Variants in EXOC4 observed in about 807,000 individuals in gnomAD.
The protein encoded by EXOC4 is SEC8-like 1.
EXOC4 carries 71 observed loss-of-function variants against 107.2 expected under a neutral mutation model. The ratio of observed to expected loss-of-function variants is 0.66; its 90% CI spans 0.55 to 0.81. The LOEUF is 0.81. Among genes scored for constraint, EXOC4 ranks in the 30% least tolerant of loss-of-function variants. The pLI is 0.00. For missense variants in EXOC4, 1,108 were observed against 1,189.6 expected (o/e 0.93, Z 1.01); for synonymous variants, 456 against 441.2 (o/e 1.03, Z -0.42).
At chr7:133,711,611 T>G (rs560702193) in intron 10 of EXOC4, among the ~76,000 whole-genome samples, 24 of 152,324 alleles carry the variant, frequency 1.6e-4, no homozygotes, top group African/African-American at 5.5e-4. Flanking sequence ...TCATAGTCCT[T>G]GAATACAGTA....
At chr7:133,371,227 T>C (rs1000344927) in intron 6 of EXOC4, among the ~76,000 whole-genome samples, 2 of 152,188 alleles carry the variant, frequency 1.3e-5, no homozygotes, top group Non-Finnish European at 2.9e-5. Flanking sequence ...TAGCTGCTGT[T>C]CTTTTAACAG....
chr7:133,770,608 C>T (rs900243999), intron 10 of EXOC4, among the ~76,000 whole-genome samples: 4 of 152,000 alleles, frequency 2.6e-5, no homozygotes, highest in South Asian at 2.1e-4. Context: ...GGTAAACATA[C>T]ATATACATAT....
At chr7:133,679,351 T>C (rs145308396) in intron 10 of EXOC4, among the ~76,000 whole-genome samples, 4 of 152,316 alleles carry the variant, frequency 2.6e-5, no homozygotes, top group African/African-American at 9.6e-5. Flanking sequence ...GCATTTCTAT[T>C]AATAATACTT....
chr7:133,357,186 T>G (rs991532399), intron 6 of EXOC4, among the ~76,000 whole-genome samples: 4 of 152,228 alleles, frequency 2.6e-5, no homozygotes, highest in African/African-American at 9.7e-5. Flanking sequence ...TAGCAGCTAT[T>G]GTACACATAC....
Position 133,515,332 on chromosome 7 carries a change from T to TACACACACAC in EXOC4, c.1417+35207_1417+35216dup, listed in dbSNP as rs143017406. 1.9e-3 allele frequency among the ~76,000 whole-genome samples: 289 copies of TACACACACAC among 150,102 alleles called. 3 individuals carry two copies. The highest frequency in any genetic ancestry group is 6.0e-3 in the African/African-American group (244 of 40,848). The stretch of plus-strand genomic sequence containing the variant: ...CTCCAATCAGTAGCCCAAGTGTGCA[T>TACACACACAC]ACACACACACACACACACACACGTA... On this transcript the variant is annotated intron_variant, in intron 9 of 17. Coordinates refer to ENST00000253861, the MANE Select transcript of EXOC4 (RefSeq NM_021807.4).
Position 134,005,774 on chromosome 7 carries a change from C to G in EXOC4, c.2527+684C>G, listed in dbSNP as rs1179419691. ...GTATGAAAACTTGTATCTGTGTTCT[C>G]TCACAGAATTAAACTAGTATTATTT... is the stretch of plus-strand genomic sequence containing the variant. On this transcript the variant is annotated intron_variant, in intron 16 of 17. Coordinates refer to ENST00000253861, the MANE Select transcript of EXOC4 (RefSeq NM_021807.4). 2.6e-5 allele frequency among the ~76,000 whole-genome samples: 4 copies of G among 152,284 alleles called. No individual in the cohort carries two copies. The East Asian group carries it at 7.7e-4, about 29-fold the overall frequency.
chr7:133,653,890 G>T (rs1803223884), intron 10 of EXOC4, among the ~76,000 whole-genome samples: 2 of 152,186 alleles, frequency 1.3e-5, no homozygotes, highest in African/African-American at 2.4e-5. Flanking sequence ...GGGCAGCAGA[G>T]AATTCAGGGC....
chr7:133,389,401 T>A (rs1044402135), intron 7 of EXOC4, among the ~76,000 whole-genome samples: 3 of 151,714 alleles, frequency 2.0e-5, no homozygotes, highest in Non-Finnish European at 2.9e-5. Context: ...TGAAACCCTG[T>A]CTCTACTAAA....
intron 17 of EXOC4, among the ~76,000 whole-genome samples, chr7:134,016,797 T>G (rs983608536): frequency 3.3e-5 from 5 of 152,200 alleles, no homozygotes; most frequent in Admixed American, 3.3e-4. Context: ...CAGGAAAGGT[T>G]GTGAGTTTTC....
chr7:133,742,204 C>T (rs886709280), intron 10 of EXOC4, among the ~76,000 whole-genome samples: 1 of 152,116 alleles, frequency 6.6e-6, no homozygotes, highest in Non-Finnish European at 1.5e-5. Context: ...GTCACTTTCC[C>T]CATGCTTCTT....
intron 9 of EXOC4, among the ~76,000 whole-genome samples, chr7:133,514,866 C>T (rs747994143): frequency 7.2e-5 from 11 of 152,198 alleles, no homozygotes; most frequent in Non-Finnish European, 1.0e-4. Flanking sequence ...ACTTTATGCT[C>T]ATTGTACTAT....
At chr7:134,017,075 C>T (rs1455406499) in intron 17 of EXOC4, among the ~76,000 whole-genome samples, 2 of 152,180 alleles carry the variant, frequency 1.3e-5, no homozygotes, top group African/African-American at 4.8e-5. Context: ...GAAAGAAGCA[C>T]AATATTTGTC....
chr7:133,409,455 T>C (rs1480075067), intron 7 of EXOC4, among the ~76,000 whole-genome samples: 1 of 152,178 alleles, frequency 6.6e-6, no homozygotes, highest in East Asian at 1.9e-4. Context: ...AGACAGAATA[T>C]GCTGGAGGCT....
chr7:134,004,766 G>A, intron 15 of EXOC4, 146 bp from the exon 16 acceptor site: 1 of 632,302 alleles, frequency 1.6e-6, no homozygotes. Context: ...GGCACAAATA[G>A]GGTACACAGT....
chr7:133,478,103 G>A (rs1004926236), intron 8 of EXOC4, among the ~76,000 whole-genome samples: 7 of 151,444 alleles, frequency 4.6e-5, no homozygotes, highest in East Asian at 1.9e-4. Flanking sequence ...TCTCAGATGC[G>A]CCTAAGCAGG....
At chr7:133,895,529 G>T in intron 11 of EXOC4, 70 bp from the exon 12 acceptor site, 1 of 1,456,468 alleles carries the variant, frequency 6.9e-7, no homozygotes, top group Non-Finnish European at 9.5e-7. Context: ...GACATACTTG[G>T]AGTTGTCCTT....
chr7:133,462,198 G>T (rs973966550), intron 7 of EXOC4, among the ~76,000 whole-genome samples: 3 of 152,044 alleles, frequency 2.0e-5, no homozygotes, highest in Non-Finnish European at 4.4e-5. Flanking sequence ...TTGATCTAAA[G>T]TGACTATAGT....
chr7:133,309,653 A>C (rs926250436), intron 4 of EXOC4, among the ~76,000 whole-genome samples: 6 of 152,290 alleles, frequency 3.9e-5, no homozygotes, highest in East Asian at 1.9e-4. Flanking sequence ...GTGGAAAAAA[A>C]GGTCAGCCGG....
intron 10 of EXOC4, among the ~76,000 whole-genome samples, chr7:133,712,788 C>T (rs1340930731): frequency 6.6e-6 from 1 of 152,122 alleles, no homozygotes; most frequent in Non-Finnish European, 1.5e-5. Context: ...AAGGAATGAA[C>T]TACCAATACA....
Sources: gnomAD v4.1 joint callset for allele counts (sites outside exome capture counted in the v4.1 genomes callset) on GRCh38, gnomAD v4.1.1 for gene constraint, MANE v1.5 for transcripts, NCBI Gene and HGNC (gene_info 2026-07-23, HGNC 2026-07-21) for gene names.